Variants in PAOX observed in about 807,000 individuals in gnomAD.
PAOX encodes the protein polyamine oxidase.
PAOX carries 38 observed loss-of-function variants against 39.0 expected under a neutral mutation model. The ratio of observed to expected loss-of-function variants is 0.97; its 90% confidence interval spans 0.75 to 1.28. The LOEUF (loss-of-function observed/expected upper bound fraction) is 1.28, where lower values mean the gene tolerates loss of function less well. Among genes scored for constraint, PAOX ranks in the 50% most tolerant of loss-of-function variants. PAOX has a pLI of 0.00. For synonymous variants in PAOX, 311 were observed against 314.4 expected (o/e 0.99, Z 0.11); for missense variants, 667 against 685.7 (o/e 0.97, Z 0.30).
chr10:133,379,941 C>T (rs181246588), intron 1 of PAOX, 58 bp from the exon 2 acceptor site: 4 of 1,499,728 alleles, frequency 2.7e-6, no homozygotes, highest in Non-Finnish European at 2.6e-6. Flanking sequence ...AGGAGAAGGG[C>T]TCGGGGTGAC....
intron 4 of PAOX, among the ~76,000 whole-genome samples, chr10:133,388,750 T>C (rs987006716): frequency 3.9e-5 from 6 of 152,224 alleles, no homozygotes; most frequent in Admixed American, 2.6e-4. Flanking sequence ...TGGCTCTTTG[T>C]GCCTCTGGGG....
intron 2 of PAOX, 55 bp downstream of exon 2, chr10:133,380,540 C>A (rs554058983): frequency 6.6e-7 from 1 of 1,523,040 alleles, no homozygotes; most frequent in Admixed American, 2.0e-5. Context: ...CCCAGGGCAC[C>A]GGGGCTGGCT....
At position 133,389,660 on chromosome 10, in the gene PAOX, G is replaced by T. The variant is rs1849619908; in HGVS notation, c.1305G>T (p.Gly435=). ...SRWHSAPYTR[G]SYSYVAVGST... Reference sequence around the variant, plus strand: ...GGCACAGCGCCCCGTACACTAGGGGGTCCTACAGCTACGTGGCCGTGGGCA... The same window carrying T: ...GGCACAGCGCCCCGTACACTAGGGGTTCCTACAGCTACGTGGCCGTGGGCA... Residue 435 remains glycine, a synonymous_variant, in exon 6 of 7, where the codon GGG becomes GGT. Transcript: ENST00000278060. 4 of 1,612,874 alleles carry T rather than the reference G, an allele frequency of 2.5e-6. No individual in the cohort carries two copies. The highest frequency in any genetic ancestry group is 8.5e-7 in the Non-Finnish European group (1 of 1,179,712).
rs974475932 is a variant in PAOX at position 133,384,152 on chromosome 10, C to T, written c.1061C>T (p.Pro354Leu). Reference sequence around the variant, plus strand: ...ACGTCGCCCCTGGAGGATGCTGCCCCTGAGCTACAGGACGCCTGGTTCCGG... The same window carrying T: ...ACGTCGCCCCTGGAGGATGCTGCCCTTGAGCTACAGGACGCCTGGTTCCGG... ...EDTSPLEDAA[P>L]ELQDAWFRKL... The change falls in exon 4 of 7, where the codon CCT (proline) becomes CTT (leucine). Residue 354 changes from proline to leucine, a missense_variant. By Grantham distance (98) the Pro-to-Leu change is moderately conservative. Coordinates refer to ENST00000278060, the MANE Select transcript of PAOX (RefSeq NM_152911.4). The surrounding 1 kb of genome is among the most constrained non-coding windows in gnomAD (Gnocchi z 4.3). The T allele has an allele frequency of 7.4e-6, 12 of 1,614,180 alleles. No individual in the cohort carries two copies. The highest frequency in any genetic ancestry group is 1.0e-5 in the Non-Finnish European group (12 of 1,180,026).
chr10:133,391,130 G>A (rs1346129040), intron 6 of PAOX, 182 bp from the exon 7 acceptor site: 3 of 712,162 alleles, frequency 4.2e-6, no homozygotes, highest in Non-Finnish European at 5.1e-6. Flanking sequence ...TGGTGGATGT[G>A]TGTGAGCTGT....
At position 133,384,162 on chromosome 10, in the gene PAOX, G is replaced by C; in HGVS notation, c.1071G>C (p.Gln357His). ...TGGAGGATGCTGCCCCTGAGCTACA[G>C]GACGCCTGGTTCCGGAAGCTCATTG... Reference protein sequence around the residue: ...SPLEDAAPELQDAWFRKLIGF... With the variant: ...SPLEDAAPELHDAWFRKLIGF... The change falls in exon 4 of 7, where the codon CAG becomes CAC. Residue 357 changes from glutamine (Q) to histidine (H), a missense_variant. Gln to His is a conservative substitution (Grantham distance 24). Transcript: ENST00000278060. This position sits in a 1 kb window ranked among gnomAD's most constrained non-coding sequence, Gnocchi z 4.3. 6.2e-7 allele frequency: 1 copy of C among 1,614,174 alleles called. No individual in the cohort carries two copies. The highest frequency in any genetic ancestry group is 8.5e-7 in the Non-Finnish European group (1 of 1,180,042).
chr10:133,387,670 CGT>C (rs1564813430), intron 4 of PAOX, among the ~76,000 whole-genome samples: 3 of 152,246 alleles, frequency 2.0e-5, no homozygotes, highest in African/African-American at 7.2e-5. Context: ...CCACGGCCAC[CGT>C]GCACCACGCG....
At chr10:133,388,424 CTCCA>C (rs1477570953) in intron 4 of PAOX, among the ~76,000 whole-genome samples, 1 of 152,218 alleles carries the variant, frequency 6.6e-6, no homozygotes, top group African/African-American at 2.4e-5. Context: ...TGGCCTCCAG[CTCCA>C]TCCATGTCCC....
rs1849482812 is a variant in PAOX at position 133,384,454 on chromosome 10, T to C, written c.1121+242T>C. ...CAGGGCCCAGAATGTGTTTGTAGACTTGCAGGCAGGCTCAGTCTTCAGTCA... is the reference window on the plus strand; with the variant it reads ...CAGGGCCCAGAATGTGTTTGTAGACCTGCAGGCAGGCTCAGTCTTCAGTCA... On this transcript the variant is annotated intron_variant, in intron 4 of 6. Coordinates refer to ENST00000278060, the MANE Select transcript of PAOX (RefSeq NM_152911.4). This position sits in a 1 kb window ranked among gnomAD's most constrained non-coding sequence, Gnocchi z 4.3. Among the ~76,000 whole-genome samples the C allele has an allele frequency of 6.6e-6, 1 of 152,208 alleles. No individual in the cohort carries two copies. The highest frequency in any genetic ancestry group is 1.5e-5 in the Non-Finnish European group (1 of 68,026).
At chr10:133,390,822 T>TG in intron 6 of PAOX, 3 of 536,436 alleles carry the variant, frequency 5.6e-6, no homozygotes, top group Non-Finnish European at 1.0e-5. Flanking sequence ...GACTCCCAGA[T>TG]CCCTCCCCCA....
chr10:133,380,507 C>T (rs1211256848), intron 2 of PAOX, 22 bp downstream of exon 2: 5 of 1,572,034 alleles, frequency 3.2e-6, no homozygotes, highest in Non-Finnish European at 4.3e-6. Context: ...AGCCCCTGCC[C>T]CGCCAGTCCT....
chr10:133,389,115 G>A (rs1178656287), intron 5 of PAOX, 47 bp downstream of exon 5: 5 of 1,431,006 alleles, frequency 3.5e-6, no homozygotes, highest in South Asian at 1.1e-5. Flanking sequence ...CTCGTTACTG[G>A]TTGATCTCTA....
Position 133,379,403 on chromosome 10 carries a change from G to A in PAOX, c.87G>A (p.Ala29=), listed in dbSNP as rs1381564376. Residue 29 remains alanine, a synonymous_variant, in exon 1 of 7, where the codon GCG becomes GCA. Coordinates refer to ENST00000278060, the MANE Select transcript of PAOX (RefSeq NM_152911.4). The part of the protein sequence containing the change: ...VGGGIAGLGA[A]QRLCGHSAFP... ...GCGGCATCGCGGGGCTGGGCGCGGC[G>A]CAGAGGCTCTGCGGCCACTCCGCCT... 1 of 1,222,704 alleles carries A rather than the reference G, an allele frequency of 8.2e-7. No homozygotes were observed. The highest frequency in any genetic ancestry group is 1.0e-6 in the Non-Finnish European group (1 of 982,384). The allele number at this position is 1,222,704 out of a possible 1,614,324, so 75.7% of individuals were successfully genotyped here.
chr10:133,387,719 G>A (rs1196962891), intron 4 of PAOX, among the ~76,000 whole-genome samples: 1 of 152,162 alleles, frequency 6.6e-6, no homozygotes, highest in Non-Finnish European at 1.5e-5. Flanking sequence ...GCTTCTCCAC[G>A]CAGATTATTA....
Position 133,389,654 on chromosome 10 carries a change from TA to T in PAOX, c.1300del (p.Arg434GlyfsTer92). The T allele has an allele frequency of 1.2e-6, 2 of 1,613,158 alleles. No homozygotes were observed. Among genetic ancestry groups the T allele is most frequent in the Non-Finnish European group, 1.7e-6 (2 of 1,179,798 alleles). ...CTCGCTGGCACAGCGCCCCGTACAC[TA>T]GGGGGTCCTACAGCTACGTGGCCGT... ...RSRWHSAPYT[R>X]GSYSYVAVGS... On this transcript the variant is annotated frameshift_variant, in exon 6 of 7. Transcript: ENST00000278060. LOFTEE classifies it high-confidence loss of function.
rs1424620543 is a variant in PAOX at position 133,381,581 on chromosome 10, G to A, written c.790G>A (p.Glu264Lys). 6.2e-7 allele frequency: 1 copy of A among 1,613,692 alleles called. No individual in the cohort carries two copies. Among genetic ancestry groups the A allele is most frequent in the Non-Finnish European group, 8.5e-7 (1 of 1,180,038 alleles). Residue 264 changes from glutamate (E) to lysine (K), a missense_variant, in exon 3 of 7, where the codon GAG becomes AAG. Physicochemically the swap from Glu to Lys is moderately conservative, Grantham distance 56 (BLOSUM62 1). Coordinates refer to ENST00000278060, the MANE Select transcript of PAOX (RefSeq NM_152911.4). ...GSFQEAAFPG[E>K]TFPVSVECED... ...CTTCCAGGAGGCAGCCTTTCCCGGG[G>A]AGACCTTTCCAGTGTCGGTAGAGTG...
chr10:133,387,077 G>A (rs1228673147), intron 4 of PAOX, among the ~76,000 whole-genome samples: 1 of 152,048 alleles, frequency 6.6e-6, no homozygotes, highest in Non-Finnish European at 1.5e-5. Flanking sequence ...TCAGGAGTTC[G>A]AGACCAGCCT....
At position 133,388,998 on chromosome 10, in the gene PAOX, T is replaced by C. The variant is rs747858922; in HGVS notation, c.1164T>C (p.Ser388=). 1 of 1,614,162 alleles carries C rather than the reference T, an allele frequency of 6.2e-7. No individual in the cohort carries two copies. Among genetic ancestry groups the C allele is most frequent in the Non-Finnish European group, 8.5e-7 (1 of 1,180,018 alleles). Residue 388 remains serine, a synonymous_variant, in exon 5 of 7, where the codon TCT becomes TCC. Transcript: ENST00000278060. ...VLCGFIAGLE[S]EFMETLSDEE... is the part of the protein sequence containing the mutation. Reference sequence around the variant, plus strand: ...GTGGGTTCATTGCCGGACTTGAGTCTGAGTTCATGGAGACTCTGTCGGATG... The same window carrying C: ...GTGGGTTCATTGCCGGACTTGAGTCCGAGTTCATGGAGACTCTGTCGGATG...
chr10:133,384,535 A>C lies in PAOX; in HGVS notation c.1121+323A>C, dbSNP rs556249159. Among the ~76,000 whole-genome samples, 1 of 152,274 alleles carries C rather than the reference A, an allele frequency of 6.6e-6. No individual in the cohort carries two copies. The highest frequency in any genetic ancestry group is 1.9e-4 in the East Asian group (1 of 5,184). Reference sequence around the variant, plus strand: ...GAGCTGGGGCTTGTAGATACAGAAGAACTTTGAAACACCATCTGCCCATAC... The same window carrying C: ...GAGCTGGGGCTTGTAGATACAGAAGCACTTTGAAACACCATCTGCCCATAC... On this transcript the variant is annotated intron_variant, in intron 4 of 6. Transcript: ENST00000278060. This position sits in a 1 kb window ranked among gnomAD's most constrained non-coding sequence, Gnocchi z 4.3.
Sources: gnomAD v4.1 joint callset for allele counts (sites outside exome capture counted in the v4.1 genomes callset) on GRCh38, gnomAD v4.1.1 for gene constraint, Gnocchi (gnomAD v3.1) non-coding constraint, MANE v1.5 for transcripts, NCBI Gene and HGNC (gene_info 2026-07-23, HGNC 2026-07-21) for gene names.